Variants in PLCB1 observed in about 807,000 individuals in gnomAD.
The protein encoded by PLCB1 is 1-phosphatidylinositol 4,5-bisphosphate phosphodiesterase beta-1.
Under a neutral mutation model 161.8 loss-of-function variants are expected in PLCB1, and 46 were observed. The observed-to-expected ratio is 0.28, with a 90% CI of 0.22 to 0.36. The LOEUF (loss-of-function observed/expected upper bound fraction) is 0.36, where lower values mean the gene tolerates loss of function less well. Ranked by LOEUF, PLCB1 falls within the 10% of genes least tolerant of loss-of-function variation. The pLI is 1.00. For synonymous variants in PLCB1, 517 were observed against 503.7 expected (o/e 1.03, Z -0.35); for missense variants, 1,016 against 1,472.5 (o/e 0.69, Z 5.07).
In PLCB1 at chr20:8,790,171, A is replaced by G. The variant is rs774437098; in HGVS notation, c.3337-4A>G. 1.9e-6 allele frequency: 3 copies of G among 1,601,226 alleles called. No individual in the cohort carries two copies. Among genetic ancestry groups the G allele is most frequent in the African/African-American group, 2.7e-5 (2 of 74,518 alleles). On this transcript the variant is annotated splice_region_variant and splice_polypyrimidine_tract_variant and intron_variant, in intron 30 of 31. Transcript: ENST00000338037. Reference sequence around the variant, plus strand: ...AAGTAATGTTTCTTGTAACTTTCTTATAGCTAGAAGAAGCGCAAAGTAAAC... The same window carrying G: ...AAGTAATGTTTCTTGTAACTTTCTTGTAGCTAGAAGAAGCGCAAAGTAAAC...
chr20:8,507,011 A>G (rs1568703680), intron 3 of PLCB1, among the ~76,000 whole-genome samples: 1 of 152,208 alleles, frequency 6.6e-6, no homozygotes, highest in Admixed American at 6.5e-5. Flanking sequence ...ACTGTTGACC[A>G]GGAGCCTTAC....
intron 3 of PLCB1, among the ~76,000 whole-genome samples, chr20:8,499,166 A>G (rs1983301235): frequency 6.6e-6 from 1 of 152,236 alleles, no homozygotes; most frequent in Admixed American, 6.5e-5. Flanking sequence ...TTCAGAAAGT[A>G]TTTGATGATG....
intron 3 of PLCB1, among the ~76,000 whole-genome samples, chr20:8,567,453 T>C (rs187572873): frequency 6.6e-6 from 1 of 152,110 alleles, no homozygotes; most frequent in Non-Finnish European, 1.5e-5. Context: ...CCTGGGAACA[T>C]GATGTTCATA....
At chr20:8,741,425 T>C (rs1395490356) in intron 22 of PLCB1, 39 bp from the exon 23 acceptor site, 2 of 1,387,450 alleles carry the variant, frequency 1.4e-6, no homozygotes, top group Non-Finnish European at 2.0e-6. Flanking sequence ...AATCAATACT[T>C]CCAGGACCTT....
intron 4 of PLCB1, among the ~76,000 whole-genome samples, chr20:8,635,140 T>C (rs1380647692): frequency 6.6e-6 from 1 of 152,218 alleles, no homozygotes; most frequent in African/African-American, 2.4e-5. Flanking sequence ...CAGTGTGTCT[T>C]ATAATCTATC....
At chr20:8,629,692 G>A (rs554988925) in intron 4 of PLCB1, among the ~76,000 whole-genome samples, 1 of 152,292 alleles carries the variant, frequency 6.6e-6, no homozygotes, top group East Asian at 1.9e-4. Flanking sequence ...TCATGTCAGT[G>A]TGCATTGTCT....
chr20:8,543,795 C>G (rs944985583), intron 3 of PLCB1, among the ~76,000 whole-genome samples: 2 of 152,092 alleles, frequency 1.3e-5, no homozygotes, highest in African/African-American at 4.8e-5. Flanking sequence ...TGAGTGACTT[C>G]TCACAAGATC....
chr20:8,593,879 T>A (rs1987237347), intron 3 of PLCB1, among the ~76,000 whole-genome samples: 1 of 152,006 alleles, frequency 6.6e-6, no homozygotes, highest in Admixed American at 6.6e-5. Context: ...TAAGCCCAAA[T>A]CTGTGTTATT....
intron 3 of PLCB1, among the ~76,000 whole-genome samples, chr20:8,423,074 G>GC (rs1447874062): frequency 6.6e-6 from 1 of 152,042 alleles, no homozygotes; most frequent in Non-Finnish European, 1.5e-5. Flanking sequence ...TGCAACCACC[G>GC]CAACTGTCAT....
At chr20:8,521,247 CCTT>C (rs776067403) in intron 3 of PLCB1, among the ~76,000 whole-genome samples, 1 of 152,016 alleles carries the variant, frequency 6.6e-6, no homozygotes, top group Non-Finnish European at 1.5e-5. Flanking sequence ...GTGAGGCCCT[CCTT>C]CTCATTTGTA....
At chr20:8,606,565 T>C (rs1433410421) in intron 3 of PLCB1, among the ~76,000 whole-genome samples, 1 of 152,134 alleles carries the variant, frequency 6.6e-6, no homozygotes, top group Non-Finnish European at 1.5e-5. Flanking sequence ...ACAATTATTA[T>C]TAGTGCCCTA....
At chr20:8,800,391 AAGG>A (rs1416572272) in intron 31 of PLCB1, among the ~76,000 whole-genome samples, 5 of 152,172 alleles carry the variant, frequency 3.3e-5, no homozygotes, top group Middle Eastern at 3.2e-3. Flanking sequence ...TTGATTTGTC[AAGG>A]AGGTGTTTGA....
chr20:8,378,015 G>A (rs1310101589), intron 3 of PLCB1, among the ~76,000 whole-genome samples: 1 of 152,188 alleles, frequency 6.6e-6, no homozygotes, highest in Admixed American at 6.5e-5. Context: ...TTTAGACTTT[G>A]AGGAGACTTG....
intron 2 of PLCB1, among the ~76,000 whole-genome samples, chr20:8,327,778 T>C (rs1985213130): frequency 6.6e-6 from 1 of 152,166 alleles, no homozygotes; most frequent in African/African-American, 2.4e-5. Context: ...GTCAATTTAT[T>C]TCTCACATTG....
At chr20:8,732,732 A>G (rs1179289344) in intron 18 of PLCB1, among the ~76,000 whole-genome samples, 2 of 143,554 alleles carry the variant, frequency 1.4e-5, no homozygotes, top group Non-Finnish European at 3.0e-5. Flanking sequence ...TATCTAATAT[A>G]TATTAGAATG....
chr20:8,249,380 C>T (rs1008314197), intron 2 of PLCB1: 4 of 151,760 alleles, frequency 2.6e-5, no homozygotes, highest in Non-Finnish European at 4.4e-5. Flanking sequence ...TAAATATTTT[C>T]GAGGTAAGTT....
chr20:8,829,442 CTTCTAGATTTTAAAAGGAT>C (rs1985876371), intron 31 of PLCB1, among the ~76,000 whole-genome samples: 1 of 152,198 alleles, frequency 6.6e-6, no homozygotes, highest in Non-Finnish European at 1.5e-5. Flanking sequence ...AGCACTTAGA[CTTCTAGATTTTAAAAGGAT>C]TTCTGAGCCC....
At chr20:8,319,882 A>G (rs1214670879) in intron 2 of PLCB1, among the ~76,000 whole-genome samples, 1 of 151,918 alleles carries the variant, frequency 6.6e-6, no homozygotes, top group Non-Finnish European at 1.5e-5. Flanking sequence ...GCATTAGGAG[A>G]TATACCTAAT....
chr20:8,366,126 C>T (rs554007209), intron 2 of PLCB1, among the ~76,000 whole-genome samples: 1 of 152,172 alleles, frequency 6.6e-6, no homozygotes, highest in African/African-American at 2.4e-5. Flanking sequence ...TACCCAAAAC[C>T]CATTAATTAG....
Sources: allele counts gnomAD v4.1 joint callset (sites outside exome capture counted in the v4.1 genomes callset), GRCh38; gene constraint gnomAD v4.1.1; transcripts MANE v1.5; gene names NCBI Gene and HGNC (gene_info 2026-07-23, HGNC 2026-07-21).